TRPM3: variants seen among roughly 807,000 people sequenced by gnomAD.
TRPM3 encodes the protein long transient receptor potential channel 3.
A neutral mutation model predicts 181.2 loss-of-function variants in TRPM3; 77 were observed. That is an observed-to-expected ratio of 0.42 (90% CI 0.35 to 0.51). The LOEUF (loss-of-function observed/expected upper bound fraction) is 0.51. Among genes scored for constraint, TRPM3 ranks in the 20% least tolerant of loss-of-function variants. TRPM3 has a pLI of 0.01. For missense variants in TRPM3, 1,759 were observed against 2,196.7 expected (o/e 0.80, Z 3.98); for synonymous variants, 745 against 796.4 (o/e 0.94, Z 1.09).
intron 22 of TRPM3, among the ~76,000 whole-genome samples, chr9:70,572,358 A>G (rs1319372967): frequency 2.0e-5 from 3 of 152,184 alleles, no homozygotes; most frequent in African/African-American, 7.2e-5. Context: ...AACCACCTAT[A>G]TTTGCCAAAC....
intron 1 of TRPM3, among the ~76,000 whole-genome samples, chr9:70,895,300 C>G (rs1314646341): frequency 6.6e-6 from 1 of 152,138 alleles, no homozygotes; most frequent in Non-Finnish European, 1.5e-5. Context: ...TTAATATTTT[C>G]TACAACTGGG....
intron 1 of TRPM3, among the ~76,000 whole-genome samples, chr9:70,941,000 G>C (rs546794962): frequency 8.5e-5 from 13 of 152,348 alleles, no homozygotes; most frequent in African/African-American, 3.1e-4. Context: ...AATTATGCAA[G>C]AGTGGGATTT....
At chr9:70,632,436 T>C (rs2066038102) in intron 12 of TRPM3, among the ~76,000 whole-genome samples, 1 of 152,242 alleles carries the variant, frequency 6.6e-6, no homozygotes, top group Non-Finnish European at 1.5e-5. Flanking sequence ...TCATCTTTCT[T>C]GCTCTCCCAT....
intron 6 of TRPM3, among the ~76,000 whole-genome samples, chr9:70,811,456 T>C (rs1027515231): frequency 3.3e-5 from 5 of 152,208 alleles, no homozygotes; most frequent in African/African-American, 9.6e-5. Flanking sequence ...TTAAAAATCA[T>C]AGCTCTTTGC....
chr9:70,829,935 C>T (rs61670153), intron 5 of TRPM3, among the ~76,000 whole-genome samples: 1 of 152,130 alleles, frequency 6.6e-6, no homozygotes, highest in Non-Finnish European at 1.5e-5. Context: ...AATATTAATG[C>T]TTTATTGAAA....
At chr9:71,158,115 T>C (rs1343690176) in intron 1 of TRPM3, among the ~76,000 whole-genome samples, 1 of 152,160 alleles carries the variant, frequency 6.6e-6, no homozygotes, top group Non-Finnish European at 1.5e-5. Flanking sequence ...TATTAATCTT[T>C]GATACAGAAA....
intron 1 of TRPM3, among the ~76,000 whole-genome samples, chr9:71,310,476 G>A (rs1260749323): frequency 6.6e-6 from 1 of 151,916 alleles, no homozygotes; most frequent in Non-Finnish European, 1.5e-5. Context: ...TCTCTGGAGG[G>A]GCAAAGGGTA....
chr9:71,417,209 CTG>C (rs1179868369), intron 1 of TRPM3, among the ~76,000 whole-genome samples: 1 of 151,884 alleles, frequency 6.6e-6, no homozygotes, highest in African/African-American at 2.4e-5. Flanking sequence ...TTATGAGAAA[CTG>C]TTTTCTAAAG....
At chr9:70,786,642 GTTAAAGGT>G (rs1392050027) in intron 6 of TRPM3, among the ~76,000 whole-genome samples, 2 of 152,142 alleles carry the variant, frequency 1.3e-5, no homozygotes, top group African/African-American at 4.8e-5. Flanking sequence ...ATTTTCCATT[GTTAAAGGT>G]TATTTTATGA....
At chr9:71,414,957 C>G (rs1227043420) in intron 1 of TRPM3, among the ~76,000 whole-genome samples, 1 of 152,006 alleles carries the variant, frequency 6.6e-6, no homozygotes, top group East Asian at 1.9e-4. Context: ...AATCTCGAAC[C>G]TGTAAACATT....
At position 71,030,324 on chromosome 9, in the gene TRPM3, G is replaced by A. The variant is rs118056154; in HGVS notation, c.177+90854C>T. Among the ~76,000 whole-genome samples, 174 of 152,234 alleles carry A rather than the reference G, an allele frequency of 1.1e-3. 1 individual carries two copies. The East Asian group carries it at 0.025, about 22-fold the overall frequency. On this transcript the variant is annotated intron_variant, in intron 1 of 25. Transcript: ENST00000677713. ...TCACACCTGAAATCCCAGCACTTTC[G>A]TAGGCCGAGGTGGGCAGATCACTTG...
intron 9 of TRPM3, among the ~76,000 whole-genome samples, chr9:70,648,101 T>G (rs1484834610): frequency 6.6e-6 from 1 of 152,194 alleles, no homozygotes; most frequent in African/African-American, 2.4e-5. Context: ...ATTACTATTG[T>G]TAAAATGGCC....
chr9:71,149,224 A>G (rs1394500003), intron 1 of TRPM3, among the ~76,000 whole-genome samples: 2 of 151,996 alleles, frequency 1.3e-5, no homozygotes, highest in Non-Finnish European at 2.9e-5. Context: ...ACATAGGGAG[A>G]TCCAGTCTCT....
chr9:70,951,490 C>T (rs1322681924), intron 1 of TRPM3, among the ~76,000 whole-genome samples: 1 of 152,078 alleles, frequency 6.6e-6, no homozygotes, highest in Non-Finnish European at 1.5e-5. Context: ...TACAGGCATG[C>T]ACAACCACAC....
chr9:70,699,010 A>T (rs1247660690), intron 8 of TRPM3, among the ~76,000 whole-genome samples: 1 of 152,186 alleles, frequency 6.6e-6, no homozygotes, highest in African/African-American at 2.4e-5. Flanking sequence ...GAACGAACTA[A>T]TACACACAGA....
chr9:70,588,476 AAG>A (rs1309541342), intron 22 of TRPM3, among the ~76,000 whole-genome samples: 5 of 152,122 alleles, frequency 3.3e-5, no homozygotes, highest in Admixed American at 6.5e-5. Flanking sequence ...AAAAAAAAAA[AAG>A]AGTTAGCTAT....
chr9:70,811,127 G>T, intron 6 of TRPM3: 1 of 1,470,000 alleles, frequency 6.8e-7, no homozygotes, highest in Non-Finnish European at 9.4e-7. Flanking sequence ...TTAATTTCTT[G>T]GAGTTTAAGA....
intron 1 of TRPM3, among the ~76,000 whole-genome samples, chr9:71,431,116 A>G (rs1293762959): frequency 6.6e-6 from 1 of 152,042 alleles, no homozygotes; most frequent in Non-Finnish European, 1.5e-5. Flanking sequence ...AACTTCCCCA[A>G]ATTAAACTCC....
At chr9:70,564,685 T>TGTGTATGTGTAAATGCAC (rs2132057552) in intron 22 of TRPM3, among the ~76,000 whole-genome samples, 1 of 152,272 alleles carries the variant, frequency 6.6e-6, no homozygotes, top group Admixed American at 6.5e-5. Context: ...CCAGACTGCA[T>TGTGTATGTGTAAATGCAC]GTCTATGTGT....
Sources: gnomAD v4.1 joint callset for allele counts (sites outside exome capture counted in the v4.1 genomes callset) on GRCh38, gnomAD v4.1.1 for gene constraint, MANE v1.5 for transcripts, NCBI Gene and HGNC (gene_info 2026-07-23, HGNC 2026-07-21) for gene names.